ROBO2: variants seen among roughly 807,000 people sequenced by gnomAD.
The protein encoded by ROBO2 is roundabout guidance receptor 2.
ROBO2 carries 53 observed loss-of-function variants against 160.8 expected under a neutral mutation model. That is an observed-to-expected ratio of 0.33 (90% confidence interval 0.26 to 0.41). The LOEUF is 0.41. Ranked by LOEUF, ROBO2 falls within the 10% of genes least tolerant of loss-of-function variation. ROBO2 has a pLI of 1.00. For synonymous variants in ROBO2, 664 were observed against 611.7 expected, an observed-to-expected ratio of 1.09 and a Z score of -1.26; for missense variants, 1,577 against 1,722.4, an observed-to-expected ratio of 0.92 and a Z score of 1.49.
chr3:77,000,895 T>C (rs2061303180), intron 2 of ROBO2, among the ~76,000 whole-genome samples: 1 of 152,178 alleles, frequency 6.6e-6, no homozygotes, highest in African/African-American at 2.4e-5. Context: ...TTATAAAATC[T>C]GAATAATAAA....
intron 2 of ROBO2, among the ~76,000 whole-genome samples, chr3:76,395,965 C>T (rs2077421793): frequency 6.6e-6 from 1 of 152,146 alleles, no homozygotes; most frequent in Non-Finnish European, 1.5e-5. Flanking sequence ...CTCCCTACCT[C>T]ATTTTATGAG....
intron 2 of ROBO2, among the ~76,000 whole-genome samples, chr3:76,624,063 T>C (rs1054603138): frequency 2.6e-5 from 4 of 151,902 alleles, no homozygotes; most frequent in African/African-American, 9.7e-5. Flanking sequence ...CCTTTCTCCA[T>C]TAAAAAAAAA....
intron 2 of ROBO2, among the ~76,000 whole-genome samples, chr3:77,332,961 G>A (rs1333769946): frequency 6.6e-6 from 1 of 152,184 alleles, no homozygotes; most frequent in East Asian, 1.9e-4. Context: ...CTCACTCTAA[G>A]CAGAAAATGT....
chr3:76,467,601 C>G (rs530853858), intron 2 of ROBO2, among the ~76,000 whole-genome samples: 46 of 152,094 alleles, frequency 3.0e-4, no homozygotes, highest in East Asian at 1.9e-4. Context: ...CTGTCCATTC[C>G]TCTGTTCCAC....
chr3:77,303,959 G>C (rs1024776096), intron 2 of ROBO2, among the ~76,000 whole-genome samples: 2 of 151,964 alleles, frequency 1.3e-5, no homozygotes, highest in Non-Finnish European at 2.9e-5. Context: ...AATGAAATGC[G>C]GTGTGACAGA....
At chr3:77,340,662 G>A (rs2066966508) in intron 2 of ROBO2, among the ~76,000 whole-genome samples, 2 of 152,092 alleles carry the variant, frequency 1.3e-5, no homozygotes, top group South Asian at 4.1e-4. Flanking sequence ...GGAGCCATAT[G>A]TTCAAAATCA....
intron 2 of ROBO2, among the ~76,000 whole-genome samples, chr3:76,069,786 G>A (rs1559885839): frequency 6.6e-6 from 1 of 152,172 alleles, no homozygotes; most frequent in African/African-American, 2.4e-5. Flanking sequence ...GAGAAGAGGT[G>A]TTGCGGGAAG....
intron 2 of ROBO2, among the ~76,000 whole-genome samples, chr3:76,057,008 T>A (rs1181652484): frequency 6.6e-6 from 1 of 152,222 alleles, no homozygotes; most frequent in Non-Finnish European, 1.5e-5. Flanking sequence ...TACCTGAATA[T>A]TCTGTCTACT....
chr3:77,268,069 G>A (rs1320769891), intron 2 of ROBO2, among the ~76,000 whole-genome samples: 1 of 152,200 alleles, frequency 6.6e-6, no homozygotes, highest in African/African-American at 2.4e-5. Context: ...GCATTTGGAT[G>A]TAGTAGGGTT....
At chr3:76,640,052 C>T (rs912822114) in intron 2 of ROBO2, among the ~76,000 whole-genome samples, 5 of 152,106 alleles carry the variant, frequency 3.3e-5, no homozygotes, top group East Asian at 1.9e-4. Context: ...TTTTTAACTG[C>T]GTTGTACTTT....
chr3:77,263,647 C>T (rs1436833866), intron 2 of ROBO2, among the ~76,000 whole-genome samples: 1 of 152,184 alleles, frequency 6.6e-6, no homozygotes, highest in African/African-American at 2.4e-5. Context: ...TTTATCTAGT[C>T]TATCACTGAT....
chr3:77,454,882 C>T (rs890033565), intron 2 of ROBO2, among the ~76,000 whole-genome samples: 5 of 152,106 alleles, frequency 3.3e-5, no homozygotes, highest in African/African-American at 9.7e-5. Context: ...GTTTGAAGAT[C>T]ATGGTTGAGT....
At chr3:76,213,769 ATT>A (rs1352671400) in intron 2 of ROBO2, among the ~76,000 whole-genome samples, 1 of 152,134 alleles carries the variant, frequency 6.6e-6, no homozygotes, top group African/African-American at 2.4e-5. Context: ...TATTAGACAT[ATT>A]TTATCGTTAT....
chr3:77,047,894 A>G (rs1200555512), intron 1 of ROBO2, among the ~76,000 whole-genome samples: 1 of 151,556 alleles, frequency 6.6e-6, no homozygotes, highest in African/African-American at 2.4e-5. Context: ...ATACAAAAAA[A>G]TAATTAGCCG....
intron 2 of ROBO2, among the ~76,000 whole-genome samples, chr3:76,855,911 A>G (rs2070015122): frequency 6.6e-6 from 1 of 152,236 alleles, no homozygotes; most frequent in Admixed American, 6.5e-5. Flanking sequence ...ACTCATTGAA[A>G]GCAGTATATC....
intron 2 of ROBO2, among the ~76,000 whole-genome samples, chr3:76,431,638 G>T (rs1387329920): frequency 6.6e-6 from 1 of 152,056 alleles, no homozygotes; most frequent in Non-Finnish European, 1.5e-5. Context: ...ATGATCCTTT[G>T]CATGAGAAAA....
intron 2 of ROBO2, among the ~76,000 whole-genome samples, chr3:76,992,866 G>A (rs1351754956): frequency 6.6e-6 from 1 of 152,074 alleles, no homozygotes; most frequent in Non-Finnish European, 1.5e-5. Flanking sequence ...CATCCAGGCT[G>A]CAGTGCAGTG....
chr3:76,925,605 G>A (rs2076945858), intron 2 of ROBO2, among the ~76,000 whole-genome samples: 1 of 152,100 alleles, frequency 6.6e-6, no homozygotes, highest in Admixed American at 6.6e-5. Context: ...ATATTGTTTT[G>A]ATATTTGCAA....
chr3:76,702,296 T>A (rs776761005), intron 2 of ROBO2, among the ~76,000 whole-genome samples: 1 of 152,066 alleles, frequency 6.6e-6, no homozygotes, highest in Non-Finnish European at 1.5e-5. Context: ...GTACCTAGAT[T>A]GATGTATGCA....
Sources: allele counts gnomAD v4.1 joint callset (sites outside exome capture counted in the v4.1 genomes callset), GRCh38; gene constraint gnomAD v4.1.1; transcripts MANE v1.5; gene names NCBI Gene and HGNC (gene_info 2026-07-23, HGNC 2026-07-21).